Variants in KCND3 observed in about 807,000 individuals in gnomAD.
KCND3 encodes A-type voltage-gated potassium channel KCND3.
A neutral mutation model predicts 51.1 loss-of-function variants in KCND3; 9 were observed. That is an observed-to-expected ratio of 0.18 (90% CI 0.11 to 0.31). The LOEUF (loss-of-function observed/expected upper bound fraction) is 0.31. KCND3 is among the 10% of genes least tolerant of loss of function. KCND3 has a pLI of 1.00. For missense variants in KCND3, 526 were observed against 903.8 expected (o/e 0.58, Z 5.36); for synonymous variants, 349 against 368.0 (o/e 0.95, Z 0.59).
At position 111,773,321 on chromosome 1, in the gene KCND3, CT is replaced by C. The variant is rs1663989635; in HGVS notation, c.*2755del. The C allele has an allele frequency of 6.6e-6, 1 of 152,044 alleles. No individual in the cohort carries two copies. The highest frequency in any genetic ancestry group is 2.4e-5 in the African/African-American group (1 of 41,380). The allele number at this position is 152,044 out of a possible 1,614,324, so 9.4% of individuals were successfully genotyped here. ...CTATCAAACAGATCCTTTGTTGAAT[CT>C]GTCACTATTCTAACCCTGTAATGAT... On this transcript the variant is annotated 3_prime_UTR_variant, in exon 8 of 8. Transcript: ENST00000302127.
chr1:111,987,716 C>T (rs977510583), intron 1 of KCND3, among the ~76,000 whole-genome samples: 2 of 152,234 alleles, frequency 1.3e-5, no homozygotes, highest in Non-Finnish European at 2.9e-5. Flanking sequence ...CACAACAGTG[C>T]GGCCCCATTT....
At chr1:111,948,537 G>T (rs542548321) in intron 2 of KCND3, among the ~76,000 whole-genome samples, 21 of 152,282 alleles carry the variant, frequency 1.4e-4, no homozygotes, top group African/African-American at 5.1e-4. Flanking sequence ...TCTTTCTTCT[G>T]TTCTCCCACT....
At chr1:111,782,412 T>C (rs1664427320) in intron 3 of KCND3, among the ~76,000 whole-genome samples, 1 of 152,072 alleles carries the variant, frequency 6.6e-6, no homozygotes, top group Admixed American at 6.5e-5. Context: ...AAGGGGGACC[T>C]GGGAGAGAAA....
intron 2 of KCND3, among the ~76,000 whole-genome samples, chr1:111,911,642 A>G (rs1670953193): frequency 6.6e-6 from 1 of 152,198 alleles, no homozygotes; most frequent in Non-Finnish European, 1.5e-5. Context: ...ATAATGTCAT[A>G]TTGGGCACGC....
At chr1:111,886,719 G>A (rs1332394631) in intron 2 of KCND3, among the ~76,000 whole-genome samples, 2 of 152,184 alleles carry the variant, frequency 1.3e-5, no homozygotes, top group African/African-American at 4.8e-5. Context: ...CAACATCCTG[G>A]CCAAGGCACT....
rs528961262 is a variant in KCND3, at chr1:111,983,979, G to A, written c.-72-1181C>T. 3.3e-5 allele frequency among the ~76,000 whole-genome samples: 5 copies of A among 152,288 alleles called. No individual in the cohort carries two copies. The South Asian group carries it at 1.0e-3, about 32-fold the overall frequency. On this transcript the variant is annotated intron_variant, in intron 1 of 7. Transcript: ENST00000302127. ...CCAAATGTATACCATCTGTGGGAAG[G>A]CATGTGGTGACACGGAAACACACGT...
intron 2 of KCND3, among the ~76,000 whole-genome samples, chr1:111,919,056 G>C (rs959206851): frequency 6.6e-6 from 1 of 151,604 alleles, no homozygotes; most frequent in African/African-American, 2.4e-5. Flanking sequence ...TGAGCTCAGG[G>C]CATCATTTCA....
chr1:111,975,237 T>A (rs906563760), intron 2 of KCND3, among the ~76,000 whole-genome samples: 1 of 152,200 alleles, frequency 6.6e-6, no homozygotes, highest in Admixed American at 6.5e-5. Context: ...ATGCTACAAC[T>A]CAGGTGCTCT....
chr1:111,945,370 A>G (rs1672728916), intron 2 of KCND3, among the ~76,000 whole-genome samples: 1 of 152,220 alleles, frequency 6.6e-6, no homozygotes, highest in African/African-American at 2.4e-5. Flanking sequence ...TTCAACGTCA[A>G]GGGCAAATCC....
chr1:111,904,752 G>A (rs1029091555), intron 2 of KCND3, among the ~76,000 whole-genome samples: 6 of 152,220 alleles, frequency 3.9e-5, no homozygotes, highest in Non-Finnish European at 7.3e-5. Context: ...TGCACCTGCC[G>A]CCGATTGGCT....
chr1:111,812,517 G>A (rs371876086), intron 2 of KCND3, among the ~76,000 whole-genome samples: 1 of 152,188 alleles, frequency 6.6e-6, no homozygotes, highest in Admixed American at 6.5e-5. Context: ...AGGGCAGTGC[G>A]CATGTCATGA....
intron 2 of KCND3, among the ~76,000 whole-genome samples, chr1:111,805,345 C>A (rs1194364298): frequency 6.6e-6 from 1 of 152,194 alleles, no homozygotes; most frequent in Non-Finnish European, 1.5e-5. Context: ...CAGAGATCCA[C>A]CGCCACAACC....
intron 2 of KCND3, among the ~76,000 whole-genome samples, chr1:111,963,049 C>A (rs1174959561): frequency 1.3e-5 from 2 of 152,178 alleles, no homozygotes; most frequent in African/African-American, 2.4e-5. Flanking sequence ...AGATCTTGAG[C>A]AGGCCACCAG....
intron 2 of KCND3, among the ~76,000 whole-genome samples, chr1:111,942,502 A>T (rs1440809507): frequency 1.3e-5 from 2 of 152,164 alleles, no homozygotes; most frequent in Admixed American, 6.5e-5. Flanking sequence ...GAGCCAAGGG[A>T]ACAGCCAGTG....
At chr1:111,891,086 T>C (rs1022339608) in intron 2 of KCND3, among the ~76,000 whole-genome samples, 1 of 152,186 alleles carries the variant, frequency 6.6e-6, no homozygotes, top group Non-Finnish European at 1.5e-5. Context: ...CTCCACTTAC[T>C]AGCCATGTGA....
At chr1:111,909,142 C>T (rs1375588843) in intron 2 of KCND3, among the ~76,000 whole-genome samples, 1 of 152,130 alleles carries the variant, frequency 6.6e-6, no homozygotes, top group African/African-American at 2.4e-5. Context: ...GCCCCACACA[C>T]ACTCTTTCAT....
intron 2 of KCND3, among the ~76,000 whole-genome samples, chr1:111,851,789 G>C (rs1195491317): frequency 6.6e-6 from 1 of 152,214 alleles, no homozygotes; most frequent in Non-Finnish European, 1.5e-5. Context: ...ACCACCATGA[G>C]GCGGCCGTGG....
chr1:111,876,454 G>A (rs1427631932), intron 2 of KCND3, among the ~76,000 whole-genome samples: 4 of 152,116 alleles, frequency 2.6e-5, no homozygotes, highest in African/African-American at 9.7e-5. Context: ...GGCCCTCTTC[G>A]GATCAATTTT....
At chr1:111,913,731 G>A (rs143765290) in intron 2 of KCND3, among the ~76,000 whole-genome samples, 121 of 152,216 alleles carry the variant, frequency 7.9e-4, no homozygotes, top group Admixed American at 1.6e-3. Flanking sequence ...AACATAGGGG[G>A]ACCTCATCTC....
Sources: gnomAD v4.1 joint callset for allele counts (sites outside exome capture counted in the v4.1 genomes callset) on GRCh38, gnomAD v4.1.1 for gene constraint, MANE v1.5 for transcripts, NCBI Gene and HGNC (gene_info 2026-07-23, HGNC 2026-07-21) for gene names.